Variants in ADAMTS18 observed in about 807,000 individuals in gnomAD.
ADAMTS18 encodes ADAM metallopeptidase with thrombospondin type 1 motif 18, also known as A disintegrin and metalloproteinase with thrombospondin motifs 18.
A neutral mutation model predicts 165.9 loss-of-function variants in ADAMTS18; 157 were observed. The observed-to-expected ratio is 0.95, with a 90% CI of 0.83 to 1.08. ADAMTS18 has a LOEUF of 1.08. Ranked by LOEUF, ADAMTS18 falls within the 50% of genes least tolerant of loss-of-function variation. The pLI is 0.00. For synonymous variants in ADAMTS18, 782 were observed against 578.2 expected, an observed-to-expected ratio of 1.35 and a Z score of -5.06; for missense variants, 2,040 against 1,534.0, an observed-to-expected ratio of 1.33 and a Z score of -5.51.
At chr16:77,370,273 T>C (rs1372916402) in intron 3 of ADAMTS18, among the ~76,000 whole-genome samples, 1 of 152,102 alleles carries the variant, frequency 6.6e-6, no homozygotes, top group African/African-American at 2.4e-5. Context: ...GGCATTCAAC[T>C]TAGAAAGGAA....
At chr16:77,379,591 C>T (rs983776355) in intron 3 of ADAMTS18, among the ~76,000 whole-genome samples, 5 of 152,254 alleles carry the variant, frequency 3.3e-5, no homozygotes, top group Middle Eastern at 3.4e-3. Context: ...CAGGTTCAAG[C>T]GATTCTCCCA....
chr16:77,382,561 T>C (rs373734545), intron 3 of ADAMTS18, among the ~76,000 whole-genome samples: 3 of 152,260 alleles, frequency 2.0e-5, no homozygotes, highest in East Asian at 1.9e-4. Flanking sequence ...CCTTTACAAG[T>C]GGTTTGGTCA....
At chr16:77,424,993 CTGTT>C (rs1567557863) in intron 3 of ADAMTS18, among the ~76,000 whole-genome samples, 1 of 152,176 alleles carries the variant, frequency 6.6e-6, no homozygotes, top group East Asian at 1.9e-4. Context: ...TTTGTAAAGA[CTGTT>C]TGGCAGGCAG....
intron 3 of ADAMTS18, among the ~76,000 whole-genome samples, chr16:77,402,017 T>C (rs1597229830): frequency 1.3e-5 from 2 of 152,226 alleles, no homozygotes; most frequent in Admixed American, 1.3e-4. Flanking sequence ...TCTTTTCTGG[T>C]TCTCTAGTTT....
chr16:77,323,977 G>T (rs762557029), intron 13 of ADAMTS18, among the ~76,000 whole-genome samples: 11 of 152,192 alleles, frequency 7.2e-5, no homozygotes, highest in Admixed American at 5.2e-4. Flanking sequence ...ATTAGTGAAA[G>T]AACTTTGACA....
intron 22 of ADAMTS18, among the ~76,000 whole-genome samples, 156 bp downstream of exon 22, chr16:77,289,108 G>A (rs965359069): frequency 6.6e-6 from 1 of 152,150 alleles, no homozygotes; most frequent in East Asian, 1.9e-4. Flanking sequence ...CCAGAGTGGT[G>A]CCTTATACAA....
chr16:77,430,100 G>C (rs537444223), intron 3 of ADAMTS18, among the ~76,000 whole-genome samples: 1 of 152,084 alleles, frequency 6.6e-6, no homozygotes, highest in South Asian at 2.1e-4. Context: ...ACAGAAGAAA[G>C]AGAAATACAA....
chr16:77,344,207 A>G (rs902197122), intron 10 of ADAMTS18, among the ~76,000 whole-genome samples: 5 of 151,042 alleles, frequency 3.3e-5, no homozygotes, highest in Admixed American at 2.6e-4. Flanking sequence ...CTTGTAGACC[A>G]TAAAATTCTT....
chr16:77,364,640 G>A (rs902452972), intron 4 of ADAMTS18, among the ~76,000 whole-genome samples: 4 of 147,852 alleles, frequency 2.7e-5, no homozygotes, highest in African/African-American at 7.6e-5. Flanking sequence ...ATGAGTGGAT[G>A]GATGGATGGT....
chr16:77,344,359 C>T (rs1485170031), intron 10 of ADAMTS18, among the ~76,000 whole-genome samples: 1 of 151,916 alleles, frequency 6.6e-6, no homozygotes, highest in Non-Finnish European at 1.5e-5. Flanking sequence ...TCCCGTGAAC[C>T]TGCCACTGAC....
At chr16:77,308,605 A>G (rs926327396) in intron 16 of ADAMTS18, among the ~76,000 whole-genome samples, 13 of 151,066 alleles carry the variant, frequency 8.6e-5, no homozygotes, top group African/African-American at 2.7e-4. Flanking sequence ...ACTTGTGTAC[A>G]TTTTAATCCT....
chr16:77,297,318 T>A lies in ADAMTS18; in HGVS notation c.2772A>T (p.Lys924Asn), dbSNP rs749318085. 2 of 1,613,996 alleles carry A rather than the reference T, an allele frequency of 1.2e-6. No homozygotes were observed. The highest frequency in any genetic ancestry group is 2.7e-5 in the African/African-American group (2 of 74,910). The change falls in exon 18 of 23, where the codon AAA becomes AAT. Residue 924 changes from lysine (K) to asparagine (N), a missense_variant. Physicochemically the swap from Lys to Asn is moderately conservative, Grantham distance 94. Transcript: ENST00000282849. The part of the protein sequence containing the change: ...SAKTKPVTEP[K>N]ICNAFSCPAY... ...CCGGGCAGGAGAAAGCGTTGCAGATTTTGGGCTCAGTTACTGGCTTGGTTT... is the reference window on the plus strand; with the variant it reads ...CCGGGCAGGAGAAAGCGTTGCAGATATTGGGCTCAGTTACTGGCTTGGTTT...
intron 10 of ADAMTS18, among the ~76,000 whole-genome samples, chr16:77,349,433 T>G (rs183794020): frequency 1.3e-5 from 2 of 150,152 alleles, no homozygotes; most frequent in Admixed American, 1.3e-4. Context: ...TATCTGATTG[T>G]TCCCCTGCCC....
At chr16:77,285,098 G>A (rs1241424143) in intron 22 of ADAMTS18, among the ~76,000 whole-genome samples, 1 of 150,938 alleles carries the variant, frequency 6.6e-6, no homozygotes, top group African/African-American at 2.5e-5. Flanking sequence ...TACTCAGATG[G>A]GCCTCAGGAG....
rs1163690050 is a variant in ADAMTS18, at chr16:77,291,471, G to A, written c.3197C>T (p.Ala1066Val). Residue 1066 changes from alanine (A) to valine (V), a missense_variant, in exon 21 of 23, where the codon GCA becomes GTA. By Grantham distance (64) the Ala-to-Val change is moderately conservative (BLOSUM62 0). Transcript: ENST00000282849. Reference sequence around the variant, plus strand: ...CTTCCTCACACCCAAACCACAGGTTGCAGAACACTAGGAGCCAAGACAGGA... The same window carrying A: ...CTTCCTCACACCCAAACCACAGGTTACAGAACACTAGGAGCCAAGACAGGA... Reference protein sequence around the residue: ...WVASSWSECSATCGLGVRKRE... With the variant: ...WVASSWSECSVTCGLGVRKRE... 2 of 1,613,994 alleles carry A rather than the reference G, an allele frequency of 1.2e-6. No homozygotes were observed. Among genetic ancestry groups the A allele is most frequent in the Non-Finnish European group, 1.7e-6 (2 of 1,180,014 alleles).
chr16:77,406,742 A>C (rs1285816381), intron 3 of ADAMTS18, among the ~76,000 whole-genome samples: 1 of 152,072 alleles, frequency 6.6e-6, no homozygotes, highest in Non-Finnish European at 1.5e-5. Flanking sequence ...GGACAAATAA[A>C]ATTTTGTACA....
At chr16:77,311,361 A>G (rs770403571) in intron 16 of ADAMTS18, among the ~76,000 whole-genome samples, 251 of 152,318 alleles carry the variant, frequency 1.6e-3, no homozygotes, top group Middle Eastern at 3.4e-3. Context: ...TGGAGTAAAT[A>G]TATGTTTGGC....
At chr16:77,388,730 T>C (rs1302529922) in intron 3 of ADAMTS18, among the ~76,000 whole-genome samples, 1 of 152,170 alleles carries the variant, frequency 6.6e-6, no homozygotes, top group Non-Finnish European at 1.5e-5. Context: ...CTGGGTTTCT[T>C]GATTGACTGG....
intron 3 of ADAMTS18, among the ~76,000 whole-genome samples, chr16:77,411,203 C>A (rs573041164): frequency 3.9e-4 from 59 of 152,298 alleles, no homozygotes; most frequent in African/African-American, 1.4e-3. Context: ...TCGCTGCCAT[C>A]CTGCTGGGGT....
Sources: allele counts gnomAD v4.1 joint callset (sites outside exome capture counted in the v4.1 genomes callset), GRCh38; gene constraint gnomAD v4.1.1; transcripts MANE v1.5; gene names NCBI Gene and HGNC (gene_info 2026-07-23, HGNC 2026-07-21).